The following FMNL2 variants were observed in gnomAD, a reference collection of about 807,000 sequenced individuals.
The protein encoded by FMNL2 is formin like 2, also known as formin-like protein 2.
In FMNL2, 51 loss-of-function variants were observed where a neutral mutation model predicts 130.2. The observed-to-expected ratio is 0.39, with a 90% CI of 0.31 to 0.49. The LOEUF is 0.49. Among genes scored for constraint, FMNL2 ranks in the 20% least tolerant of loss-of-function variants. The pLI is 0.85. For missense variants in FMNL2, 977 were observed against 1,316.2 expected (o/e 0.74, Z 3.99); for synonymous variants, 465 against 467.1 (o/e 1.00, Z 0.06).
At chr2:152,631,912 C>T (rs1378081059) in intron 20 of FMNL2, 96 bp from the exon 21 acceptor site, 5 of 1,354,762 alleles carry the variant, frequency 3.7e-6, no homozygotes, top group Non-Finnish European at 5.0e-6. Flanking sequence ...GACTGTTACT[C>T]AGTTAATGAC....
chr2:152,435,516 C>G (rs1017974155), intron 1 of FMNL2, among the ~76,000 whole-genome samples: 2 of 151,140 alleles, frequency 1.3e-5, no homozygotes, highest in Non-Finnish European at 2.9e-5. Context: ...GATGGCTTTC[C>G]ACATAGTTAG....
intron 1 of FMNL2, among the ~76,000 whole-genome samples, chr2:152,402,254 A>G (rs2105967235): frequency 6.6e-6 from 1 of 152,250 alleles, no homozygotes; most frequent in African/African-American, 2.4e-5. Flanking sequence ...TCATCTGTAA[A>G]TAGTGGTGAA....
chr2:152,433,270 A>G (rs1217823308), intron 1 of FMNL2, among the ~76,000 whole-genome samples: 1 of 152,206 alleles, frequency 6.6e-6, no homozygotes, highest in Non-Finnish European at 1.5e-5. Context: ...AGCACTTACA[A>G]TTCACTGCGT....
intron 1 of FMNL2, among the ~76,000 whole-genome samples, chr2:152,464,355 T>C (rs1253679956): frequency 1.3e-5 from 2 of 152,206 alleles, no homozygotes; most frequent in Non-Finnish European, 2.9e-5. Flanking sequence ...GCTTTAAACA[T>C]GTTCTCTTTT....
intron 1 of FMNL2, among the ~76,000 whole-genome samples, chr2:152,451,527 A>G (rs990210117): frequency 6.6e-6 from 1 of 152,044 alleles, no homozygotes; most frequent in Non-Finnish European, 1.5e-5. Flanking sequence ...GTTTTTATGC[A>G]TACTAATTTG....
intron 9 of FMNL2, among the ~76,000 whole-genome samples, chr2:152,592,457 C>T (rs1362118372): frequency 6.6e-6 from 1 of 152,008 alleles, no homozygotes; most frequent in Non-Finnish European, 1.5e-5. Flanking sequence ...TTGTTGGTTT[C>T]TTTTAAACCA....
rs541614300 is a variant in FMNL2 at position 152,633,340 on chromosome 2, C to T, written c.2680+1203C>T. ...TGAATTCCTGGGCTCAAGTGATCCT[C>T]TCGCCTCAGCCTCCTAAAGTGCTGG... On this transcript the variant is annotated intron_variant, in intron 21 of 25. Coordinates refer to ENST00000288670, the MANE Select transcript of FMNL2 (RefSeq NM_052905.4). Among the ~76,000 whole-genome samples, 14 of 152,296 alleles carry T rather than the reference C, an allele frequency of 9.2e-5. No individual in the cohort carries two copies. The South Asian group carries it at 2.9e-3, about 32-fold the overall frequency.
chr2:152,536,444 C>T (rs1693997987), intron 2 of FMNL2, among the ~76,000 whole-genome samples: 1 of 152,204 alleles, frequency 6.6e-6, no homozygotes, highest in South Asian at 2.1e-4. Context: ...TTTGCCTACT[C>T]AGCCTTTGGA....
chr2:152,415,147 T>C (rs752632536), intron 1 of FMNL2, among the ~76,000 whole-genome samples: 10 of 151,120 alleles, frequency 6.6e-5, no homozygotes, highest in Non-Finnish European at 1.5e-4. Flanking sequence ...CTTTGGCAAC[T>C]TTATGTCAGT....
intron 1 of FMNL2, among the ~76,000 whole-genome samples, chr2:152,502,075 G>A (rs912770703): frequency 2.6e-5 from 4 of 152,148 alleles, no homozygotes; most frequent in South Asian, 4.1e-4. Context: ...TTCTTCGTGC[G>A]AGTCTATAGG....
chr2:152,557,976 A>C (rs1360158568), intron 4 of FMNL2, among the ~76,000 whole-genome samples: 1 of 152,202 alleles, frequency 6.6e-6, no homozygotes, highest in Non-Finnish European at 1.5e-5. Context: ...GTGACATTTT[A>C]CATCCATCTC....
At chr2:152,477,782 T>C (rs1017542840) in intron 1 of FMNL2, among the ~76,000 whole-genome samples, 10 of 152,184 alleles carry the variant, frequency 6.6e-5, no homozygotes, top group African/African-American at 1.9e-4. Flanking sequence ...GGATTCTTTA[T>C]AATTATGGTC....
At chr2:152,427,888 C>A (rs1687278349) in intron 1 of FMNL2, among the ~76,000 whole-genome samples, 1 of 152,052 alleles carries the variant, frequency 6.6e-6, no homozygotes, top group East Asian at 1.9e-4. Flanking sequence ...GTGCACATAC[C>A]CTTGGCCACA....
chr2:152,339,649 G>A (rs568566838), intron 1 of FMNL2, among the ~76,000 whole-genome samples: 25 of 152,250 alleles, frequency 1.6e-4, no homozygotes, highest in Admixed American at 2.6e-4. Flanking sequence ...AAATTATTAG[G>A]AAGTAATGGT....
intron 8 of FMNL2, 30 bp downstream of exon 8, chr2:152,578,994 A>T: frequency 6.3e-7 from 1 of 1,578,516 alleles, no homozygotes; most frequent in South Asian, 1.1e-5. Flanking sequence ...CGCAAGTCTA[A>T]ATCTATCTAG....
chr2:152,428,861 AT>A (rs1200042150), intron 1 of FMNL2, among the ~76,000 whole-genome samples: 1 of 152,140 alleles, frequency 6.6e-6, no homozygotes, highest in Non-Finnish European at 1.5e-5. Context: ...GTCTAGTCTA[AT>A]GTCTGATGCC....
At chr2:152,467,473 C>T (rs557567573) in intron 1 of FMNL2, among the ~76,000 whole-genome samples, 7 of 152,302 alleles carry the variant, frequency 4.6e-5, no homozygotes, top group African/African-American at 1.7e-4. Flanking sequence ...TCCCTCGGCC[C>T]CTGTTTCCTA....
At chr2:152,550,689 C>G in intron 4 of FMNL2, among the ~76,000 whole-genome samples, 1 of 152,172 alleles carries the variant, frequency 6.6e-6, no homozygotes, top group Non-Finnish European at 1.5e-5. Flanking sequence ...TAGTTTAATA[C>G]TTTTGGGCAT....
chr2:152,353,137 T>A (rs1682595920), intron 1 of FMNL2, among the ~76,000 whole-genome samples: 1 of 152,176 alleles, frequency 6.6e-6, no homozygotes, highest in Admixed American at 6.5e-5. Context: ...ATGAAGATTA[T>A]AGGATATTTA....
Sources: allele counts gnomAD v4.1 joint callset (sites outside exome capture counted in the v4.1 genomes callset), GRCh38; gene constraint gnomAD v4.1.1; transcripts MANE v1.5; gene names NCBI Gene and HGNC (gene_info 2026-07-23, HGNC 2026-07-21).